Variants in ZNF536 observed in about 807,000 individuals in gnomAD.
ZNF536 encodes the protein zinc finger protein 536.
ZNF536 carries 13 observed loss-of-function variants against 84.5 expected under a neutral mutation model. The observed-to-expected ratio is 0.15, with a 90% CI of 0.10 to 0.24. The LOEUF is 0.24. Ranked by LOEUF, ZNF536 falls within the 10% of genes least tolerant of loss-of-function variation. The pLI, the probability that ZNF536 is intolerant of heterozygous loss-of-function variation, is 1.00. For synonymous variants in ZNF536, 811 were observed against 742.5 expected, an observed-to-expected ratio of 1.09 and a Z score of -1.50; for missense variants, 1,536 against 1,747.5, an observed-to-expected ratio of 0.88 and a Z score of 2.16.
rs769949653 is a variant in ZNF536 at position 30,443,896 on chromosome 19, G to A, written c.334G>A (p.Gly112Ser). The change falls in exon 2 of 5, where the codon GGC becomes AGC. Residue 112 changes from glycine (G) to serine (S), a missense_variant. Transcript: ENST00000355537. ...LQQFLNGQNL[G>S]IMSQMSDIED... The stretch of plus-strand genomic sequence containing the variant: ...GCAGTTCCTCAACGGGCAGAACCTG[G>A]GCATCATGTCCCAGATGAGCGACAT... 10 of 1,613,648 alleles carry A rather than the reference G, an allele frequency of 6.2e-6. No homozygotes were observed. In the South Asian group the frequency reaches 8.8e-5, roughly 14 times the overall value.
At position 30,540,549 on chromosome 19, in the gene ZNF536, C is replaced by T. The variant is rs558677105; in HGVS notation, c.2323+5550C>T. 2.1e-3 allele frequency among the ~76,000 whole-genome samples: 326 copies of T among 152,290 alleles called. 1 individual carries two copies. The highest frequency in any genetic ancestry group is 3.7e-3 in the Non-Finnish European group (253 of 68,016). On this transcript the variant is annotated intron_variant, in intron 3 of 4. Transcript: ENST00000355537. ...CTTCATCCCTACAGCACCTCAGTCA[C>T]CAAGGCTCCATCCCCTGCCCCGCTT...
At chr19:30,534,740 C>A in intron 2 of ZNF536, 107 bp from the exon 3 acceptor site, 1 of 1,106,822 alleles carries the variant, frequency 9.0e-7, no homozygotes, top group Non-Finnish European at 1.3e-6. Context: ...ATGAAATAGA[C>A]AGGTGTAGTA....
intron 2 of ZNF536, among the ~76,000 whole-genome samples, chr19:30,519,229 G>A (rs2044219353): frequency 6.6e-6 from 1 of 152,216 alleles, no homozygotes; most frequent in African/African-American, 2.4e-5. Flanking sequence ...CTCTGGGGTG[G>A]GGCTCCCAAG....
intron 1 of ZNF536, among the ~76,000 whole-genome samples, chr19:30,377,290 A>T (rs911767829): frequency 2.0e-5 from 3 of 152,036 alleles, no homozygotes; most frequent in Admixed American, 6.5e-5. Flanking sequence ...GCGCTCACAG[A>T]ACTCATTGTG....
intron 1 of ZNF536, among the ~76,000 whole-genome samples, chr19:30,255,742 T>C (rs2024881692): frequency 6.6e-6 from 1 of 152,226 alleles, no homozygotes; most frequent in South Asian, 2.1e-4. Flanking sequence ...TCATTACTTT[T>C]GATTTTGGAG....
rs75891093 is a variant in ZNF536 at position 30,660,884 on chromosome 19, T to C, written c.170-49873T>C. Among the ~76,000 whole-genome samples the C allele has an allele frequency of 8.5e-3, 1,299 of 152,346 alleles. 10 individuals carry two copies. Among genetic ancestry groups the C allele is most frequent in the Non-Finnish European group, 0.013 (879 of 68,028 alleles). ...ATATTTATGTGCATGTGTGTACATATACATACACAAAATCTCTGCCTCATA... is the reference window on the plus strand; with the variant it reads ...ATATTTATGTGCATGTGTGTACATACACATACACAAAATCTCTGCCTCATA... On this transcript the variant is annotated intron_variant, in intron 1 of 1. Transcript: ENST00000592773.
chr19:30,570,641 C>T (rs1451511803), intron 1 of ZNF536, among the ~76,000 whole-genome samples: 1 of 152,024 alleles, frequency 6.6e-6, no homozygotes, highest in African/African-American at 2.4e-5. Context: ...CAAACGTTCC[C>T]ATTGGACAGG....
chr19:30,321,100 A>T (rs554248604), intron 2 of ZNF536, among the ~76,000 whole-genome samples: 19 of 152,200 alleles, frequency 1.2e-4, no homozygotes, highest in African/African-American at 4.6e-4. Context: ...GGTTTCAGGA[A>T]ATCAGCTCCA....
At chr19:30,699,467 T>A (rs1245349782) in intron 1 of ZNF536, among the ~76,000 whole-genome samples, 1 of 152,122 alleles carries the variant, frequency 6.6e-6, no homozygotes, top group Non-Finnish European at 1.5e-5. Context: ...TCACAGGAAA[T>A]TTGAAACCTA....
chr19:30,537,222 G>T (rs913812896), intron 3 of ZNF536, among the ~76,000 whole-genome samples: 2 of 152,162 alleles, frequency 1.3e-5, no homozygotes, highest in African/African-American at 4.8e-5. Flanking sequence ...GACCAGGCTC[G>T]AAGGCAGTCA....
chr19:30,464,822 C>T (rs908780516), intron 2 of ZNF536, among the ~76,000 whole-genome samples: 3 of 151,998 alleles, frequency 2.0e-5, no homozygotes, highest in African/African-American at 7.3e-5. Flanking sequence ...GGTGGGGCTC[C>T]TCCTCCTGCC....
At chr19:30,362,449 G>A (rs1011730310) in intron 3 of ZNF536, among the ~76,000 whole-genome samples, 3 of 152,200 alleles carry the variant, frequency 2.0e-5, no homozygotes, top group Non-Finnish European at 4.4e-5. Context: ...CTCCAGGTAG[G>A]GCTGGCTCCA....
At chr19:30,510,890 G>A (rs1379679442) in intron 2 of ZNF536, among the ~76,000 whole-genome samples, 4 of 152,190 alleles carry the variant, frequency 2.6e-5, no homozygotes, top group Admixed American at 2.0e-4. Context: ...TTGTAGCTTT[G>A]CATCCTTGGC....
intron 3 of ZNF536, among the ~76,000 whole-genome samples, chr19:30,535,724 A>T (rs974489551): frequency 6.6e-5 from 9 of 137,374 alleles, no homozygotes; most frequent in Non-Finnish European, 1.1e-4. Context: ...TTGCCAATAT[A>T]AAAAAAAAAA....
At chr19:30,505,391 G>T (rs1412482404) in intron 2 of ZNF536, among the ~76,000 whole-genome samples, 1 of 145,718 alleles carries the variant, frequency 6.9e-6, no homozygotes, top group Admixed American at 6.9e-5. Context: ...TATATATATG[G>T]TATAAGATAT....
chr19:30,280,483 G>A (rs1375765340), intron 1 of ZNF536, among the ~76,000 whole-genome samples: 1 of 152,188 alleles, frequency 6.6e-6, no homozygotes, highest in African/African-American at 2.4e-5. Flanking sequence ...CTTTCCCCAA[G>A]TGCTGGACTG....
chr19:30,378,633 C>T (rs1309539425), intron 1 of ZNF536, among the ~76,000 whole-genome samples: 2 of 152,306 alleles, frequency 1.3e-5, no homozygotes, highest in East Asian at 1.9e-4. Context: ...TGCCTTAGAC[C>T]CAACTGCATC....
At chr19:30,628,768 G>A (rs1478491302) in intron 1 of ZNF536, among the ~76,000 whole-genome samples, 2 of 151,884 alleles carry the variant, frequency 1.3e-5, no homozygotes, top group African/African-American at 2.4e-5. Flanking sequence ...GCATGATCTC[G>A]GCTCACTGCA....
chr19:30,640,488 AC>A (rs1402186437), intron 1 of ZNF536, among the ~76,000 whole-genome samples: 1 of 152,178 alleles, frequency 6.6e-6, no homozygotes. Context: ...GACTCAGCAC[AC>A]CAAAATCTCT....
Sources: allele counts gnomAD v4.1 joint callset (sites outside exome capture counted in the v4.1 genomes callset), GRCh38; gene constraint gnomAD v4.1.1; transcripts MANE v1.5; gene names NCBI Gene and HGNC (gene_info 2026-07-23, HGNC 2026-07-21).